The following BIRC6 variants were observed in gnomAD, a reference collection of about 807,000 sequenced individuals.
BIRC6 encodes the protein dual E2 ubiquitin-conjugating enzyme/E3 ubiquitin-protein ligase BIRC6.
BIRC6 carries 98 observed loss-of-function variants against 503.3 expected under a neutral mutation model. The observed-to-expected ratio is 0.19, with a 90% confidence interval of 0.17 to 0.23. BIRC6 has a LOEUF of 0.23. Ranked by LOEUF, BIRC6 falls within the 10% of genes least tolerant of loss-of-function variation. The pLI is 1.00. For synonymous variants in BIRC6, 2,240 were observed against 2,078.7 expected, an observed-to-expected ratio of 1.08 and a Z score of -2.11; for missense variants, 5,360 against 5,806.0, an observed-to-expected ratio of 0.92 and a Z score of 2.50.
chr2:32,566,449 CT>C (rs2059539855), intron 65 of BIRC6: 1 of 152,150 alleles, frequency 6.6e-6, no homozygotes, highest in South Asian at 2.1e-4. Flanking sequence ...ACCTCCTGGA[CT>C]CAAGTGATCC....
chr2:32,546,021 C>T (rs1055750132), intron 63 of BIRC6, among the ~76,000 whole-genome samples, 161 bp downstream of exon 63: 1 of 152,144 alleles, frequency 6.6e-6, no homozygotes, highest in Non-Finnish European at 1.5e-5. Flanking sequence ...ATTGTTTTCT[C>T]TATTAGTCTT....
chr2:32,426,306 T>A (rs1017509588), intron 10 of BIRC6, among the ~76,000 whole-genome samples: 1 of 152,244 alleles, frequency 6.6e-6, no homozygotes, highest in African/African-American at 2.4e-5. Context: ...AAGTATGTTA[T>A]AAACCCAACA....
chr2:32,423,827 C>T (rs1426720735), intron 10 of BIRC6, among the ~76,000 whole-genome samples: 1 of 152,168 alleles, frequency 6.6e-6, no homozygotes, highest in Non-Finnish European at 1.5e-5. Context: ...CTTCTTGTCC[C>T]ATCCAGGACA....
In BIRC6 at chr2:32,485,769, A is replaced by G. The variant is rs371461554; in HGVS notation, c.7813+10A>G. ...AATACATCTCCTACATGTAAGTAAA[A>G]TGACCATTTTTAGAGTATTGCAGTG... is the stretch of plus-strand genomic sequence containing the variant. On this transcript the variant is annotated intron_variant, in intron 40 of 73. Coordinates refer to ENST00000421745, the MANE Select transcript of BIRC6 (RefSeq NM_016252.4). 3 of 1,540,854 alleles carry G rather than the reference A, an allele frequency of 1.9e-6. No homozygotes were observed. The highest frequency in any genetic ancestry group is 2.7e-5 in the African/African-American group (2 of 73,404).
intron 3 of BIRC6, 134 bp downstream of exon 3, chr2:32,380,424 T>C (rs1290208440): frequency 2.4e-5 from 29 of 1,231,688 alleles, no homozygotes; most frequent in Non-Finnish European, 3.0e-5. Context: ...AATGTGCTTA[T>C]AAGTCATCTT....
At chr2:32,410,123 A>C (rs371963142) in intron 9 of BIRC6, among the ~76,000 whole-genome samples, 1 of 152,238 alleles carries the variant, frequency 6.6e-6, no homozygotes, top group Non-Finnish European at 1.5e-5. Flanking sequence ...ATAGACCAAA[A>C]TTGTTTTTTC....
At chr2:32,363,841 G>T (rs923538305) in intron 1 of BIRC6, among the ~76,000 whole-genome samples, 2 of 152,156 alleles carry the variant, frequency 1.3e-5, no homozygotes, top group African/African-American at 4.8e-5. Context: ...CTCAGCAAAT[G>T]CTAATTCCTT....
intron 16 of BIRC6, 123 bp downstream of exon 16, chr2:32,439,809 A>T: frequency 1.2e-6 from 1 of 841,126 alleles, no homozygotes; most frequent in Non-Finnish European, 1.7e-6. Context: ...GTTTGTTTGT[A>T]TTTTGTCTTT....
At chr2:32,404,397 A>G (rs924916371) in intron 8 of BIRC6, among the ~76,000 whole-genome samples, 4 of 151,326 alleles carry the variant, frequency 2.6e-5, no homozygotes, top group African/African-American at 9.7e-5. Flanking sequence ...GGTTCACTGC[A>G]ATCTCTGCCT....
At chr2:32,490,568 G>A (rs893558313) in intron 43 of BIRC6, among the ~76,000 whole-genome samples, 1 of 151,998 alleles carries the variant, frequency 6.6e-6, no homozygotes, top group African/African-American at 2.4e-5. Flanking sequence ...CTTCTAACAT[G>A]TCTCTTCTGA....
intron 57 of BIRC6, among the ~76,000 whole-genome samples, chr2:32,519,927 A>T (rs1253234567): frequency 6.6e-6 from 1 of 152,208 alleles, no homozygotes; most frequent in Non-Finnish European, 1.5e-5. Flanking sequence ...TTGTCCTAAG[A>T]TTATAAACAT....
chr2:32,578,611 C>G (rs2060426097), intron 66 of BIRC6, among the ~76,000 whole-genome samples: 1 of 151,938 alleles, frequency 6.6e-6, no homozygotes, highest in African/African-American at 2.4e-5. Flanking sequence ...GCCTGTCCAA[C>G]ATAGCAAAAC....
chr2:32,410,858 G>A (rs1240507029), intron 9 of BIRC6, among the ~76,000 whole-genome samples: 13 of 151,952 alleles, frequency 8.6e-5, no homozygotes, highest in African/African-American at 2.9e-4. Context: ...CCGCCAGCAC[G>A]CCCGGCTAAA....
At chr2:32,523,758 T>TA (rs1293791930) in intron 57 of BIRC6, among the ~76,000 whole-genome samples, 6 of 152,174 alleles carry the variant, frequency 3.9e-5, no homozygotes, top group African/African-American at 1.2e-4. Flanking sequence ...ATTAGGGAAG[T>TA]AAAAAGAGAA....
chr2:32,421,227 C>T (rs1424105900), intron 10 of BIRC6, among the ~76,000 whole-genome samples: 2 of 151,700 alleles, frequency 1.3e-5, no homozygotes, highest in East Asian at 3.9e-4. Flanking sequence ...CTGCCTCAGC[C>T]TCCCGAGTAG....
In BIRC6 at chr2:32,389,037, A is replaced by G. The variant is rs1481282869; in HGVS notation, c.839+94A>G. 3.4e-6 allele frequency: 3 copies of G among 891,668 alleles called. No individual in the cohort carries two copies. In the East Asian group the frequency reaches 9.8e-5, roughly 29 times the overall value. The allele number at this position is 891,668 out of a possible 1,614,324, so 55.2% of individuals were successfully genotyped here. A position where few individuals can be genotyped will look rare whatever the true frequency, so the allele number is the denominator to read the frequency against. ...ACTAGAAAATCTGGTTATGATTTTT[A>G]AAAATTTCACAATTTCTAGCCTAAT... is the stretch of plus-strand genomic sequence containing the variant. On this transcript the variant is annotated intron_variant, in intron 4 of 73. Coordinates refer to ENST00000421745, the MANE Select transcript of BIRC6 (RefSeq NM_016252.4).
intron 1 of BIRC6, among the ~76,000 whole-genome samples, chr2:32,359,039 C>T (rs1043056726): frequency 8.5e-5 from 13 of 152,188 alleles, no homozygotes; most frequent in African/African-American, 3.1e-4. Flanking sequence ...ATCCCCAACT[C>T]AGGTTAAGAA....
intron 26 of BIRC6, among the ~76,000 whole-genome samples, chr2:32,466,372 C>T (rs909565166): frequency 6.6e-6 from 1 of 152,122 alleles, no homozygotes; most frequent in South Asian, 2.1e-4. Context: ...TTACCTATCT[C>T]ATCTGGCATT....
chr2:32,457,575 T>G (rs57811615), intron 23 of BIRC6, among the ~76,000 whole-genome samples: 5,994 of 152,220 alleles, frequency 0.039, 194 homozygotes, highest in African/African-American at 0.093. Context: ...ATAATCCAGA[T>G]TATATAGTCT....
Sources: gnomAD v4.1 joint callset for allele counts (sites outside exome capture counted in the v4.1 genomes callset) on GRCh38, gnomAD v4.1.1 for gene constraint, MANE v1.5 for transcripts, NCBI Gene and HGNC (gene_info 2026-07-23, HGNC 2026-07-21) for gene names.